Variants in ROBO2 observed in about 807,000 individuals in gnomAD.
ROBO2 encodes the protein roundabout guidance receptor 2, also known as roundabout homolog 2.
A neutral mutation model predicts 160.8 loss-of-function variants in ROBO2; 53 were observed. That is an observed-to-expected ratio of 0.33 (90% CI 0.26 to 0.41). The LOEUF is 0.41. ROBO2 is among the 10% of genes least tolerant of loss of function. The pLI is 1.00. For synonymous variants in ROBO2, 664 were observed against 611.7 expected, an observed-to-expected ratio of 1.09 and a Z score of -1.26; for missense variants, 1,577 against 1,722.4, an observed-to-expected ratio of 0.92 and a Z score of 1.49.
chr3:76,185,071 A>G (rs1011247007), intron 2 of ROBO2, among the ~76,000 whole-genome samples: 1 of 151,494 alleles, frequency 6.6e-6, no homozygotes, highest in Admixed American at 6.6e-5. Context: ...CATCCAGTCA[A>G]GTTGACACCT....
chr3:76,513,803 A>C (rs1277235596), intron 2 of ROBO2, among the ~76,000 whole-genome samples: 4 of 152,174 alleles, frequency 2.6e-5, no homozygotes, highest in African/African-American at 9.6e-5. Context: ...TTCATTTGTC[A>C]TCCTACCCAC....
At chr3:76,834,870 G>T (rs2067540621) in intron 2 of ROBO2, among the ~76,000 whole-genome samples, 1 of 152,072 alleles carries the variant, frequency 6.6e-6, no homozygotes, top group African/African-American at 2.4e-5. Flanking sequence ...CAACCCAATT[G>T]TTTATAACGT....
chr3:75,990,391 C>T (rs1436403638), intron 2 of ROBO2, among the ~76,000 whole-genome samples: 1 of 152,108 alleles, frequency 6.6e-6, no homozygotes, highest in Non-Finnish European at 1.5e-5. Flanking sequence ...GGCTCTGGAA[C>T]AGTAAAGGGG....
At chr3:77,007,195 C>T (rs1319442016) in intron 2 of ROBO2, among the ~76,000 whole-genome samples, 1 of 152,058 alleles carries the variant, frequency 6.6e-6, no homozygotes, top group Non-Finnish European at 1.5e-5. Context: ...CAACTCAAAT[C>T]CTTTGTTAAA....
intron 2 of ROBO2, among the ~76,000 whole-genome samples, chr3:76,597,942 T>G (rs1202474204): frequency 6.6e-6 from 1 of 152,136 alleles, no homozygotes; most frequent in Non-Finnish European, 1.5e-5. Context: ...CTCGGAAAGA[T>G]AAAAACTGAT....
intron 2 of ROBO2, among the ~76,000 whole-genome samples, chr3:76,567,650 T>TATATATATATATATAA (rs1233837315): frequency 1.1e-5 from 1 of 87,204 alleles, no homozygotes; most frequent in Non-Finnish European, 2.3e-5. Context: ...TATATATATA[T>TATATATATATATATAA]ATACACATAC....
chr3:77,454,861 G>C (rs1582086132), intron 2 of ROBO2, among the ~76,000 whole-genome samples: 1 of 152,128 alleles, frequency 6.6e-6, no homozygotes, highest in East Asian at 1.9e-4. Context: ...GATACCATAT[G>C]AATTATCATA....
chr3:76,043,899 C>T (rs2067365209), intron 2 of ROBO2, among the ~76,000 whole-genome samples: 2 of 151,998 alleles, frequency 1.3e-5, no homozygotes, highest in Admixed American at 1.3e-4. Context: ...TTCCCCTCCA[C>T]CCCATGCATT....
At chr3:77,210,545 T>C (rs1181172683) in intron 2 of ROBO2, among the ~76,000 whole-genome samples, 2 of 152,262 alleles carry the variant, frequency 1.3e-5, no homozygotes, top group South Asian at 4.1e-4. Flanking sequence ...AAACATCAAA[T>C]GGTATTCCCC....
intron 2 of ROBO2, among the ~76,000 whole-genome samples, chr3:77,435,579 A>G (rs2079192814): frequency 6.6e-6 from 1 of 151,940 alleles, no homozygotes; most frequent in African/African-American, 2.4e-5. Flanking sequence ...GAAGACAGAT[A>G]CTAATTGTAC....
intron 2 of ROBO2, among the ~76,000 whole-genome samples, chr3:76,276,120 C>T (rs17203): frequency 2.0e-5 from 3 of 151,820 alleles, no homozygotes; most frequent in African/African-American, 7.3e-5. Context: ...CAAGGTCTTC[C>T]TAAAGTACTT....
intron 2 of ROBO2, among the ~76,000 whole-genome samples, chr3:77,460,638 AATTAG>A (rs2082144139): frequency 6.6e-6 from 1 of 152,208 alleles, no homozygotes; most frequent in Admixed American, 6.5e-5. Flanking sequence ...CACACATTTA[AATTAG>A]ATGCATTTTA....
chr3:77,418,577 C>G (rs13059263), intron 2 of ROBO2, among the ~76,000 whole-genome samples: 17,840 of 151,966 alleles, frequency 0.12, 1,294 homozygotes, highest in East Asian at 0.25. Flanking sequence ...CACCAAATCT[C>G]TTTAAGAGCC....
intron 6 of ROBO2, among the ~76,000 whole-genome samples, chr3:77,541,073 C>T (rs1276715303): frequency 6.6e-6 from 1 of 152,002 alleles, no homozygotes; most frequent in Non-Finnish European, 1.5e-5. Context: ...TCAAAAAATT[C>T]GAAATGGCAA....
chr3:77,320,227 G>A (rs1344472968), intron 2 of ROBO2, among the ~76,000 whole-genome samples: 6 of 151,944 alleles, frequency 3.9e-5, no homozygotes, highest in African/African-American at 1.5e-4. Context: ...CCCCACCATG[G>A]CCTTATACTG....
intron 2 of ROBO2, among the ~76,000 whole-genome samples, chr3:76,666,169 C>A (rs2110112174): frequency 6.6e-6 from 1 of 151,158 alleles, no homozygotes; most frequent in East Asian, 1.9e-4. Flanking sequence ...ATAACTATTA[C>A]GATTGTTACT....
chr3:76,801,079 A>C (rs1461570654), intron 2 of ROBO2, among the ~76,000 whole-genome samples: 1 of 152,250 alleles, frequency 6.6e-6, no homozygotes, highest in Non-Finnish European at 1.5e-5. Context: ...ATGAAAAAGA[A>C]TGAGATCCTG....
In ROBO2 at chr3:76,145,984, G is replaced by T. The variant is rs564955737; in HGVS notation, c.109+208382G>T. On this transcript the variant is annotated intron_variant, in intron 2 of 26. Transcript: ENST00000487694. ...GTGAACTAACTGAAACCTTAATTTC[G>T]TTGATTCCACTATTTCTTTCCCGCT... Among the ~76,000 whole-genome samples the T allele has an allele frequency of 1.4e-3, 209 of 151,954 alleles. 1 individual carries two copies. Among genetic ancestry groups the T allele is most frequent in the African/African-American group, 4.9e-3 (202 of 41,502 alleles).
intron 2 of ROBO2, among the ~76,000 whole-genome samples, chr3:77,131,472 C>A (rs1262473718): frequency 6.6e-6 from 1 of 152,064 alleles, no homozygotes; most frequent in African/African-American, 2.4e-5. Context: ...AAGATAGCTG[C>A]ATTAGTGGTT....
Sources: gnomAD v4.1 joint callset for allele counts (sites outside exome capture counted in the v4.1 genomes callset) on GRCh38, gnomAD v4.1.1 for gene constraint, MANE v1.5 for transcripts, NCBI Gene and HGNC (gene_info 2026-07-23, HGNC 2026-07-21) for gene names.